TUBGCP3: variants seen among roughly 807,000 people sequenced by gnomAD.
The protein encoded by TUBGCP3 is gamma-tubulin complex component 3.
In TUBGCP3, 50 loss-of-function variants were observed where a neutral mutation model predicts 123.1. That is an observed-to-expected ratio of 0.41 (90% CI 0.32 to 0.51). The LOEUF (loss-of-function observed/expected upper bound fraction) is 0.51. Ranked by LOEUF, TUBGCP3 falls within the 20% of genes least tolerant of loss-of-function variation. The pLI is 0.36. For synonymous variants in TUBGCP3, 405 were observed against 413.9 expected (o/e 0.98, Z 0.26); for missense variants, 882 against 1,127.0 (o/e 0.78, Z 3.11).
the TUBGCP3 span, among the ~76,000 whole-genome samples, chr13:112,599,919 T>G: frequency 2.0e-5 from 3 of 152,174 alleles, no homozygotes; most frequent in African/African-American, 7.2e-5. Context: ...CACACGCCTC[T>G]CCCCATCTCC....
At chr13:112,489,013 C>G (rs1023737886) in intron 21 of TUBGCP3, among the ~76,000 whole-genome samples, 1 of 133,522 alleles carries the variant, frequency 7.5e-6, no homozygotes, top group Non-Finnish European at 1.6e-5. Flanking sequence ...CACAGTGGAG[C>G]ACAGGGGCCA....
chr13:112,590,911 T>G (rs765791777), upstream of TUBGCP3, among the ~76,000 whole-genome samples: 3 of 152,260 alleles, frequency 2.0e-5, no homozygotes, highest in Non-Finnish European at 4.4e-5. Context: ...TGTCTTCATC[T>G]GAAATTATAA....
At chr13:112,578,188 C>T (rs1248756380) in intron 1 of TUBGCP3, among the ~76,000 whole-genome samples, 1 of 151,872 alleles carries the variant, frequency 6.6e-6, no homozygotes, top group African/African-American at 2.4e-5. Flanking sequence ...ATCCAGGACT[C>T]GTGGCTCTGG....
At chr13:112,566,206 C>G (rs1032769666) in intron 2 of TUBGCP3, among the ~76,000 whole-genome samples, 2 of 152,188 alleles carry the variant, frequency 1.3e-5, no homozygotes, top group African/African-American at 4.8e-5. Flanking sequence ...CTACTTTGCT[C>G]ACATTTACAA....
the TUBGCP3 span, among the ~76,000 whole-genome samples, chr13:112,602,083 T>TGCCCAA: frequency 6.6e-6 from 1 of 152,246 alleles, no homozygotes; most frequent in Non-Finnish European, 1.5e-5. Context: ...GTGAGTAGCC[T>TGCCCAA]GCCCAAGTTC....
At chr13:112,490,460 G>A (rs2139185012) in intron 20 of TUBGCP3, among the ~76,000 whole-genome samples, 1 of 152,248 alleles carries the variant, frequency 6.6e-6, no homozygotes, top group South Asian at 2.1e-4. Context: ...TCACCATGTT[G>A]GCCAGGCTTG....
intron 8 of TUBGCP3, among the ~76,000 whole-genome samples, chr13:112,552,364 C>T (rs548113743): frequency 1.3e-5 from 2 of 152,306 alleles, no homozygotes; most frequent in Non-Finnish European, 2.9e-5. Context: ...GGAAAAGGGA[C>T]AGGGACTCTA....
intron 2 of TUBGCP3, among the ~76,000 whole-genome samples, chr13:112,568,628 G>A (rs994377336): frequency 7.2e-5 from 11 of 152,256 alleles, no homozygotes; most frequent in East Asian, 1.9e-4. Flanking sequence ...ACAGTTTAAC[G>A]GGGAGGCCCC....
In TUBGCP3 at chr13:112,489,700, G is replaced by A. The variant is rs1022437083; in HGVS notation, c.2449-3C>T. The A allele has an allele frequency of 2.5e-6, 4 of 1,610,764 alleles. No individual in the cohort carries two copies. Among genetic ancestry groups the A allele is most frequent in the East Asian group, 2.2e-5 (1 of 44,858 alleles). On this transcript the variant is annotated splice_region_variant and splice_polypyrimidine_tract_variant and intron_variant, in intron 20 of 21. Coordinates refer to ENST00000261965, the MANE Select transcript of TUBGCP3 (RefSeq NM_006322.6). ...GCTGCCGTCACTCCCCACTGGCCCT[G>A]AACAATCAAAAGTACCAAATGTCAG...
At chr13:112,501,871 G>A (rs1426541941) in intron 19 of TUBGCP3, among the ~76,000 whole-genome samples, 4 of 152,214 alleles carry the variant, frequency 2.6e-5, no homozygotes, top group South Asian at 2.1e-4. Flanking sequence ...TTTCTCCCCC[G>A]GATAGGGTTC....
intron 8 of TUBGCP3, among the ~76,000 whole-genome samples, chr13:112,550,270 C>T (rs1879451631): frequency 6.6e-6 from 1 of 152,118 alleles, no homozygotes; most frequent in South Asian, 2.1e-4. Context: ...GTTTTTTAAA[C>T]TTGTTTTCTT....
In TUBGCP3 at chr13:112,526,693, CCAT is replaced by C. The variant is rs1325770222; in HGVS notation, c.1555+246_1555+248del. Among the ~76,000 whole-genome samples the C allele has an allele frequency of 1.6e-4, 24 of 149,932 alleles. 1 individual carries two copies. Among genetic ancestry groups the C allele is most frequent in the Admixed American group, 1.1e-3 (16 of 15,058 alleles). On this transcript the variant is annotated intron_variant, in intron 13 of 21. Transcript: ENST00000261965. The stretch of plus-strand genomic sequence containing the variant: ...TCATCACATCACCATCATCACACCA[CCAT>C]CATTACCCCCATCATCATCACCATC...
intron 21 of TUBGCP3, among the ~76,000 whole-genome samples, chr13:112,489,305 G>C (rs1240728263): frequency 6.6e-6 from 1 of 152,226 alleles, no homozygotes; most frequent in Admixed American, 6.5e-5. Flanking sequence ...CCCCAACACA[G>C]GGGAGCACTG....
intron 17 of TUBGCP3, among the ~76,000 whole-genome samples, chr13:112,507,356 G>A (rs1447655124): frequency 6.6e-6 from 1 of 152,128 alleles, no homozygotes; most frequent in Non-Finnish European, 1.5e-5. Context: ...GCCTTTTCAA[G>A]CAACTACCCA....
At chr13:112,544,505 CT>C (rs1260509346) in intron 11 of TUBGCP3, 1 of 151,118 alleles carries the variant, frequency 6.6e-6, no homozygotes, top group African/African-American at 2.4e-5. Flanking sequence ...GCAATCCCAC[CT>C]CCCAGAACCC....
At chr13:112,595,071 G>T in the TUBGCP3 span, among the ~76,000 whole-genome samples, 1 of 152,144 alleles carries the variant, frequency 6.6e-6, no homozygotes, top group Non-Finnish European at 1.5e-5. Flanking sequence ...CCAGTTGATT[G>T]TTCATAAGTT....
At chr13:112,579,009 A>G (rs1882077506) in intron 1 of TUBGCP3, among the ~76,000 whole-genome samples, 1 of 152,226 alleles carries the variant, frequency 6.6e-6, no homozygotes, top group South Asian at 2.1e-4. Flanking sequence ...AGAAATTCAT[A>G]CATTGGCCTT....
intron 4 of TUBGCP3, 43 bp downstream of exon 4, chr13:112,559,279 G>A (rs1018775384): frequency 2.0e-6 from 3 of 1,537,350 alleles, no homozygotes; most frequent in Non-Finnish European, 2.7e-6. Context: ...AGTCAGCCAG[G>A]GTGTCCCGAC....
At chr13:112,505,875 G>C (rs1881269483) in intron 17 of TUBGCP3, among the ~76,000 whole-genome samples, 1 of 152,152 alleles carries the variant, frequency 6.6e-6, no homozygotes, top group Non-Finnish European at 1.5e-5. Flanking sequence ...GGGAAAGGAG[G>C]AGGACGTACT....
Sources: gnomAD v4.1 joint callset for allele counts (sites outside exome capture counted in the v4.1 genomes callset) on GRCh38, gnomAD v4.1.1 for gene constraint, MANE v1.5 for transcripts, NCBI Gene and HGNC (gene_info 2026-07-23, HGNC 2026-07-21) for gene names.